Variants in RCAN2 observed in about 807,000 individuals in gnomAD.
RCAN2 encodes regulator of calcineurin 2.
A neutral mutation model predicts 23.6 loss-of-function variants in RCAN2; 9 were observed. The ratio of observed to expected loss-of-function variants is 0.38; its 90% CI spans 0.23 to 0.67. The LOEUF is 0.67. Ranked by LOEUF, RCAN2 falls within the 30% of genes least tolerant of loss-of-function variation. RCAN2 has a pLI of 0.51. For missense variants in RCAN2, 273 were observed against 302.3 expected (o/e 0.90, Z 0.72); for synonymous variants, 109 against 115.7 (o/e 0.94, Z 0.37).
At chr6:46,369,877 A>G (rs1765280928) in intron 2 of RCAN2, among the ~76,000 whole-genome samples, 1 of 152,160 alleles carries the variant, frequency 6.6e-6, no homozygotes, top group Non-Finnish European at 1.5e-5. Flanking sequence ...CACTTCTTCC[A>G]GTCTGCCATC....
At chr6:46,332,532 T>C (rs1192802584) in intron 2 of RCAN2, among the ~76,000 whole-genome samples, 1 of 148,510 alleles carries the variant, frequency 6.7e-6, no homozygotes, top group African/African-American at 2.5e-5. Context: ...ATTGTTCAAT[T>C]CCCACCTATG....
At chr6:46,478,668 G>A (rs192319340) in intron 1 of RCAN2, among the ~76,000 whole-genome samples, 11 of 152,194 alleles carry the variant, frequency 7.2e-5, no homozygotes, top group South Asian at 4.2e-4. Context: ...AAGCAACACC[G>A]AAGAACTAAG....
intron 2 of RCAN2, among the ~76,000 whole-genome samples, chr6:46,316,841 C>A (rs1416735642): frequency 2.0e-5 from 3 of 152,114 alleles, no homozygotes; most frequent in African/African-American, 7.2e-5. Flanking sequence ...AAGATGAAAT[C>A]AATTCTATTA....
chr6:46,458,029 A>C (rs1768095240), intron 1 of RCAN2, among the ~76,000 whole-genome samples: 1 of 152,194 alleles, frequency 6.6e-6, no homozygotes. Context: ...CTCAAAGCTC[A>C]ATAGTTAAGA....
intron 2 of RCAN2, among the ~76,000 whole-genome samples, chr6:46,448,419 C>T (rs1443284620): frequency 6.6e-6 from 1 of 151,712 alleles, no homozygotes; most frequent in Non-Finnish European, 1.5e-5. Flanking sequence ...GAACTAAAAC[C>T]AATTATTCTC....
At chr6:46,300,442 T>C (rs547741205) in intron 2 of RCAN2, among the ~76,000 whole-genome samples, 2 of 152,062 alleles carry the variant, frequency 1.3e-5, no homozygotes, top group South Asian at 4.1e-4. Flanking sequence ...AAATGGTATA[T>C]AAAATTTAAA....
chr6:46,452,286 G>A (rs1343224768), intron 2 of RCAN2, among the ~76,000 whole-genome samples: 2 of 152,110 alleles, frequency 1.3e-5, no homozygotes, highest in Non-Finnish European at 2.9e-5. Flanking sequence ...CTGAAAAATA[G>A]GGATAATGAT....
At chr6:46,470,244 C>T (rs1195868551) in intron 1 of RCAN2, among the ~76,000 whole-genome samples, 2 of 152,152 alleles carry the variant, frequency 1.3e-5, no homozygotes, top group Admixed American at 1.3e-4. Context: ...TTATGAGGGG[C>T]CCATCTGGCA....
chr6:46,328,827 T>A (rs1308357123), intron 2 of RCAN2, among the ~76,000 whole-genome samples: 1 of 152,180 alleles, frequency 6.6e-6, no homozygotes, highest in African/African-American at 2.4e-5. Flanking sequence ...GCCAGGAGGG[T>A]CTCAATCTCT....
chr6:46,465,717 G>C (rs1043417259), intron 1 of RCAN2, among the ~76,000 whole-genome samples: 4 of 152,222 alleles, frequency 2.6e-5, no homozygotes, highest in Non-Finnish European at 5.9e-5. Context: ...CTGGAAACCA[G>C]AGGGCCAGGG....
intron 2 of RCAN2, among the ~76,000 whole-genome samples, chr6:46,285,992 G>A (rs911615680): frequency 2.0e-5 from 3 of 152,176 alleles, no homozygotes; most frequent in Admixed American, 6.5e-5. Flanking sequence ...TTAAAGATGA[G>A]CTGCATGAAG....
At chr6:46,226,199 TA>T (rs1285577547) in intron 4 of RCAN2, among the ~76,000 whole-genome samples, 2 of 152,234 alleles carry the variant, frequency 1.3e-5, no homozygotes, top group African/African-American at 4.8e-5. Context: ...ACTTGTAGTA[TA>T]GTTTGAAGTC....
chr6:46,251,133 C>T (rs1423257208), intron 2 of RCAN2, among the ~76,000 whole-genome samples: 1 of 152,158 alleles, frequency 6.6e-6, no homozygotes, highest in African/African-American at 2.4e-5. Flanking sequence ...CCATCACGAA[C>T]AAAACAAGAA....
chr6:46,403,641 C>G (rs1766321639), intron 2 of RCAN2, among the ~76,000 whole-genome samples: 1 of 151,616 alleles, frequency 6.6e-6, no homozygotes, highest in African/African-American at 2.4e-5. Flanking sequence ...GATCTTCAGG[C>G]TTTTTAAGAC....
At chr6:46,237,764 C>T (rs541475704) in intron 4 of RCAN2, among the ~76,000 whole-genome samples, 7 of 152,168 alleles carry the variant, frequency 4.6e-5, no homozygotes, top group African/African-American at 7.2e-5. Flanking sequence ...ATATGCTATG[C>T]GCTTCTACTT....
chr6:46,391,302 A>T (rs1232633037), intron 2 of RCAN2, among the ~76,000 whole-genome samples: 1 of 152,192 alleles, frequency 6.6e-6, no homozygotes, highest in Non-Finnish European at 1.5e-5. Context: ...TATCGCATGA[A>T]GATTGAGATC....
intron 2 of RCAN2, among the ~76,000 whole-genome samples, chr6:46,377,616 C>G (rs1241657982): frequency 1.3e-5 from 2 of 152,178 alleles, no homozygotes; most frequent in Non-Finnish European, 2.9e-5. Context: ...CCCAATTTGC[C>G]CTATCAATAC....
chr6:46,488,875 T>G (rs1769065263), intron 1 of RCAN2, among the ~76,000 whole-genome samples: 1 of 152,122 alleles, frequency 6.6e-6, no homozygotes, highest in African/African-American at 2.4e-5. Flanking sequence ...AGTTTTCTGG[T>G]TTTTGTTTTG....
intron 2 of RCAN2, among the ~76,000 whole-genome samples, chr6:46,412,887 G>A (rs549012007): frequency 3.9e-5 from 6 of 152,274 alleles, no homozygotes; most frequent in South Asian, 2.1e-4. Flanking sequence ...GCCAGAGGGC[G>A]TGGGTAAACC....
Sources: gnomAD v4.1 joint callset for allele counts (sites outside exome capture counted in the v4.1 genomes callset) on GRCh38, gnomAD v4.1.1 for gene constraint, MANE v1.5 for transcripts, NCBI Gene and HGNC (gene_info 2026-07-23, HGNC 2026-07-21) for gene names.